The following KMT2D variants were observed in gnomAD, a reference collection of about 807,000 sequenced individuals.
KMT2D encodes histone-lysine N-methyltransferase 2D.
Under a neutral mutation model 512.7 loss-of-function variants are expected in KMT2D, and 55 were observed. The ratio of observed to expected loss-of-function variants is 0.11; its 90% CI spans 0.09 to 0.13. KMT2D has a LOEUF of 0.13. KMT2D is among the 10% of genes least tolerant of loss of function. The probability of loss-of-function intolerance (pLI) is 1.00; values close to 1 mark genes in which losing one functional copy is unlikely to be tolerated. For synonymous variants in KMT2D, 2,995 were observed against 2,904.0 expected (o/e 1.03, Z -1.01); for missense variants, 6,061 against 7,127.9 (o/e 0.85, Z 5.39).
chr12:49,030,271 T>C lies in KMT2D; in HGVS notation c.13999+9A>G. ...ACTCCACCAGGGGTGGCATCTGCTC[T>C]TGACTTACCCCTCAGTGCCCTTTCA... On this transcript the variant is annotated intron_variant, in intron 43 of 54. Transcript: ENST00000301067. The C allele has an allele frequency of 6.3e-7, 1 of 1,594,468 alleles. No homozygotes were observed.
intron 35 of KMT2D, among the ~76,000 whole-genome samples, chr12:49,036,875 A>T (rs1943248938): frequency 6.6e-6 from 1 of 152,148 alleles, no homozygotes; most frequent in African/African-American, 2.4e-5. Context: ...AGGCTCTGCT[A>T]ATTAGGCTTC....
intron 1 of KMT2D, among the ~76,000 whole-genome samples, chr12:49,058,775 G>A (rs960929119): frequency 4.6e-5 from 7 of 152,166 alleles, no homozygotes; most frequent in African/African-American, 1.7e-4. Flanking sequence ...ACTGGCCAGG[G>A]ACTCATGGGC....
chr12:49,030,844 G>C (rs1393267743), intron 41 of KMT2D, 49 bp downstream of exon 41: 2 of 1,611,986 alleles, frequency 1.2e-6, no homozygotes, highest in African/African-American at 2.7e-5. Context: ...GGGACAGGGT[G>C]CCCCCTATCC....
Position 49,038,999 on chromosome 12 carries a change from T to C in KMT2D, c.8367-10A>G, listed in dbSNP as rs925074451. On this transcript the variant is annotated splice_polypyrimidine_tract_variant and intron_variant, in intron 34 of 54. Transcript: ENST00000301067. This position sits in a 1 kb window ranked among gnomAD's most constrained non-coding sequence, Gnocchi z 5.7. ...GCCTCCTACCAGTTGCCTGGAAGAA[T>C]ATACAGTAGTCAGTAGGATGAAATC... 5.2e-6 allele frequency: 8 copies of C among 1,551,754 alleles called. No homozygotes were observed. Among genetic ancestry groups the C allele is most frequent in the Non-Finnish European group, 6.1e-6 (7 of 1,147,038 alleles).
Position 49,034,289 on chromosome 12 carries a change from G to T in KMT2D, c.10518C>A (p.Asp3506Glu), listed in dbSNP as rs1231137777. The T allele has an allele frequency of 6.2e-7, 1 of 1,612,732 alleles. No individual in the cohort carries two copies. Among genetic ancestry groups the T allele is most frequent in the Non-Finnish European group, 8.5e-7 (1 of 1,178,904 alleles). The change falls in exon 39 of 55, where the codon GAC (aspartate) becomes GAA (glutamate). Residue 3506 changes from aspartate to glutamate, a missense_variant. Asp to Glu is a conservative substitution (Grantham distance 45, BLOSUM62 2). This residue lies in a region of KMT2D where 533 missense variants were observed against 539.6 expected (regional missense o/e 0.99). Coordinates refer to ENST00000301067, the MANE Select transcript of KMT2D (RefSeq NM_003482.4). ...TFAQGVINEADQRQYEEWLFH... is the reference protein window; with the variant it reads ...TFAQGVINEAEQRQYEEWLFH... ...ACAGCCACTCCTCATACTGCCGCTG[G>T]TCAGCTTCATCTGGGAAAAGAAGCT...
chr12:49,034,256 G>A lies in KMT2D; in HGVS notation c.10551C>T (p.Thr3517=), dbSNP rs571562720. The change falls in exon 39 of 55, where the codon ACC becomes ACT. Residue 3517 remains threonine (T), a synonymous_variant. Transcript: ENST00000301067. Reference sequence around the variant, plus strand: ...TCAGCTGCATCTGTAGGAGCTGCTGGGTATGGAACAGCCACTCCTCATACT... The same window carrying A: ...TCAGCTGCATCTGTAGGAGCTGCTGAGTATGGAACAGCCACTCCTCATACT... ...QRQYEEWLFH[T]QQLLQMQLKV... The A allele has an allele frequency of 1.1e-5, 17 of 1,613,694 alleles. No individual in the cohort carries two copies. The Admixed American group carries it at 1.3e-4, about 13-fold the overall frequency.
At position 49,043,911 on chromosome 12, in the gene KMT2D, C is replaced by T. The variant is rs1592142110; in HGVS notation, c.5276G>A (p.Arg1759His). The change falls in exon 23 of 55, where the codon CGC becomes CAC. Residue 1759 changes from arginine (R) to histidine (H), a missense_variant. Arg to His is a conservative substitution (Grantham distance 29, BLOSUM62 0). Around this residue, in one of 16 missense-constraint regions of KMT2D, gnomAD observed 640 missense variants for 814.3 expected, o/e 0.79. Transcript: ENST00000301067. ...DEKKKQQRRG[R>H]KKSKLEDMFP... is the part of the protein sequence containing the mutation. ...CATGTCCTCCAGTTTGCTCTTCTTG[C>T]GCCCTCGCCGCTGTTGCTTCTTCTT... 3.1e-6 allele frequency: 5 copies of T among 1,614,074 alleles called. No individual in the cohort carries two copies. The highest frequency in any genetic ancestry group is 4.2e-6 in the Non-Finnish European group (5 of 1,179,914).
rs1455219794 is a variant in KMT2D at position 49,054,205 on chromosome 12, A to G, written c.511-65T>C. On this transcript the variant is annotated intron_variant, in intron 5 of 54. Transcript: ENST00000301067. This position sits in a 1 kb window ranked among gnomAD's most constrained non-coding sequence, Gnocchi z 6.4. ...TCCCCAGACAAACAGTTCAGGCACT[A>G]GCTCTGCCCCAGTATACCCATGGTC... is the stretch of plus-strand genomic sequence containing the variant. 2 of 1,539,044 alleles carry G rather than the reference A, an allele frequency of 1.3e-6. No individual in the cohort carries two copies. Among genetic ancestry groups the G allele is most frequent in the Non-Finnish European group, 1.8e-6 (2 of 1,137,040 alleles).
intron 10 of KMT2D, 55 bp from the exon 11 acceptor site, chr12:49,052,479 G>C (rs1472368017): frequency 5.8e-6 from 9 of 1,549,214 alleles, no homozygotes; most frequent in Non-Finnish European, 7.9e-6. Flanking sequence ...TCCACAGAAA[G>C]TGTGGGGTCT....
At position 49,041,757 on chromosome 12, in the gene KMT2D, G is replaced by A. The variant is rs140427340; in HGVS notation, c.6184-52C>T. ...GGCCTAGTGCTTGGTCTCATGCCCCGCCCCCATACTGTAGTGTTTTCACAC... is the reference window on the plus strand; with the variant it reads ...GGCCTAGTGCTTGGTCTCATGCCCCACCCCCATACTGTAGTGTTTTCACAC... On this transcript the variant is annotated intron_variant, in intron 30 of 54. Transcript: ENST00000301067. The surrounding 1 kb of genome is among the most constrained non-coding windows in gnomAD (Gnocchi z 5.4). 1,351 of 1,566,978 alleles carry A rather than the reference G, an allele frequency of 8.6e-4. 9 individuals are homozygous for A. In the African/African-American group the frequency reaches 0.016, roughly 18 times the overall value.
At position 49,029,448 on chromosome 12, in the gene KMT2D, C is replaced by T. The variant is rs1464807705; in HGVS notation, c.14028G>A (p.Leu4676=). 3.2e-6 allele frequency: 5 copies of T among 1,556,866 alleles called. No homozygotes were observed. Among genetic ancestry groups the T allele is most frequent in the African/African-American group, 1.4e-5 (1 of 73,352 alleles). The change falls in exon 44 of 55, where the codon CTG becomes CTA. Residue 4676 remains leucine, a synonymous_variant. Transcript: ENST00000301067. ...RDTSEVKSLD[L]LAALPTPPHN... ...GAGGGGGTGTAGGCAAGGCAGCCAG[C>T]AGGTCTAGACTCTTCACCTCTGAAG...
chr12:49,024,271 A>C lies in KMT2D; in HGVS notation c.16052+307T>G, dbSNP rs1235426557. Among the ~76,000 whole-genome samples, 1 of 152,172 alleles carries C rather than the reference A, an allele frequency of 6.6e-6. No homozygotes were observed. Among genetic ancestry groups the C allele is most frequent in the Non-Finnish European group, 1.5e-5 (1 of 68,020 alleles). ...AATCACAGGCCCTCCCCCAGAAGTAAAACAGGAGAAGAAAGAGGTGACCAA... is the reference window on the plus strand; with the variant it reads ...AATCACAGGCCCTCCCCCAGAAGTACAACAGGAGAAGAAAGAGGTGACCAA... On this transcript the variant is annotated intron_variant, in intron 51 of 54. Transcript: ENST00000301067. This position sits in a 1 kb window ranked among gnomAD's most constrained non-coding sequence, Gnocchi z 4.5.
chr12:49,055,083 C>T, intron 2 of KMT2D, 57 bp from the exon 3 acceptor site: 7 of 1,605,084 alleles, frequency 4.4e-6, no homozygotes, highest in Non-Finnish European at 5.1e-6. Flanking sequence ...ACACAAAGTC[C>T]ACTCACCAGA....
At position 49,037,856 on chromosome 12, in the gene KMT2D, C is replaced by A. The variant is rs377384903; in HGVS notation, c.9500G>T (p.Arg3167Leu). ...GQSMMGSRDT[R>L]MGTGPFSSSG... ...GCTAGAAAATGGCCCTGTGCCCATC[C>A]GGGTATCCCGGCTGCCCATCATGCT... The change falls in exon 35 of 55, where the codon CGG becomes CTG. Residue 3167 changes from arginine to leucine, a missense_variant. Physicochemically the swap from Arg to Leu is moderately radical, Grantham distance 102. Coordinates refer to ENST00000301067, the MANE Select transcript of KMT2D (RefSeq NM_003482.4). 4.4e-6 allele frequency: 7 copies of A among 1,595,942 alleles called. No homozygotes were observed. In the Admixed American group the frequency reaches 1.0e-4, roughly 24 times the overall value.
rs1938278505 is a variant in KMT2D, at chr12:49,054,446, G to A, written c.401-30C>T. Reference sequence around the variant, plus strand: ...ACAGGTGGGAAGAGGTAAAGAGAAAGGAAAGAATTAACAAAAAGAGGATTG... The same window carrying A: ...ACAGGTGGGAAGAGGTAAAGAGAAAAGAAAGAATTAACAAAAAGAGGATTG... On this transcript the variant is annotated intron_variant, in intron 4 of 54. Coordinates refer to ENST00000301067, the MANE Select transcript of KMT2D (RefSeq NM_003482.4). This position sits in a 1 kb window ranked among gnomAD's most constrained non-coding sequence, Gnocchi z 6.4. 1 of 1,569,404 alleles carries A rather than the reference G, an allele frequency of 6.4e-7. No individual in the cohort carries two copies. The highest frequency in any genetic ancestry group is 8.6e-7 in the Non-Finnish European group (1 of 1,156,626).
Position 49,041,266 on chromosome 12 carries a change from G to A in KMT2D, c.6504C>T (p.Pro2168=), listed in dbSNP as rs577670680. Residue 2168 remains proline (P), a synonymous_variant, in exon 32 of 55, where the codon CCC becomes CCT. Coordinates refer to ENST00000301067, the MANE Select transcript of KMT2D (RefSeq NM_003482.4). The surrounding 1 kb of genome is among the most constrained non-coding windows in gnomAD (Gnocchi z 5.4). The part of the protein sequence containing the change: ...ELFLKLPPQV[P]AQVPSQDPFG... ...AGGGGTCCTGCGAAGGCACTTGGGCGGGCACCTGGGGTGGGAGCTTGAGGA... is the reference window on the plus strand; with the variant it reads ...AGGGGTCCTGCGAAGGCACTTGGGCAGGCACCTGGGGTGGGAGCTTGAGGA... 37 of 1,517,144 alleles carry A rather than the reference G, an allele frequency of 2.4e-5. 1 individual carries two copies. The highest frequency in any genetic ancestry group is 1.6e-4 in the South Asian group (12 of 75,102). The allele number at this position is 1,517,144 out of a possible 1,614,324, so 94.0% of individuals were successfully genotyped here.
rs762229405 is a variant in KMT2D, at chr12:49,051,124, A to G, written c.2559T>C (p.Pro853=). The G allele has an allele frequency of 6.6e-7, 1 of 1,517,628 alleles. No individual in the cohort carries two copies. The allele number at this position is 1,517,628 out of a possible 1,614,324, so 94.0% of individuals were successfully genotyped here. A position where few individuals can be genotyped will look rare whatever the true frequency, so the allele number is the denominator to read the frequency against. ...SPRPEESHLS[P]ELEKPPLSPR... ...GGGACAGGGGTGGCTTCTCAAGCTC[A>G]GGGGACAGATGCGATTCCTCAGGCC... Residue 853 remains proline, a synonymous_variant, in exon 11 of 55, where the codon CCT becomes CCC. Coordinates refer to ENST00000301067, the MANE Select transcript of KMT2D (RefSeq NM_003482.4).
Position 49,026,843 on chromosome 12 carries a change from C to T in KMT2D, c.15123G>A (p.Gly5041=), listed in dbSNP as rs2120363515. Residue 5041 remains glycine, a synonymous_variant, in exon 49 of 55, where the codon GGG becomes GGA. Coordinates refer to ENST00000301067, the MANE Select transcript of KMT2D (RefSeq NM_003482.4). This position sits in a 1 kb window ranked among gnomAD's most constrained non-coding sequence, Gnocchi z 9.6. ...GCAGACGGGCAGGCCCATCAGTGGC[C>T]CCGTCACCCTCCTCATGACAGAAAC... ...RCCFCHEEGD[G]ATDGPARLLN... is the part of the protein sequence containing the mutation. 6.2e-7 allele frequency: 1 copy of T among 1,613,766 alleles called. No homozygotes were observed. The highest frequency in any genetic ancestry group is 8.5e-7 in the Non-Finnish European group (1 of 1,179,740).
rs1013426088 is a variant in KMT2D at position 49,022,902 on chromosome 12, G to C, written c.16053-27C>G. ...TGGGAGGTGATATAATCCATGACAA[G>C]ACAGCTCTCCCTCAGACCAAGTACA... On this transcript the variant is annotated intron_variant, in intron 51 of 54. Coordinates refer to ENST00000301067, the MANE Select transcript of KMT2D (RefSeq NM_003482.4). The surrounding 1 kb of genome is among the most constrained non-coding windows in gnomAD (Gnocchi z 8.6). 6.5e-7 allele frequency: 1 copy of C among 1,549,722 alleles called. No homozygotes were observed. The highest frequency in any genetic ancestry group is 1.9e-5 in the Admixed American group (1 of 53,356).
Sources: allele counts gnomAD v4.1 joint callset (sites outside exome capture counted in the v4.1 genomes callset), GRCh38; gene constraint gnomAD v4.1.1; regional missense constraint gnomAD v4.1.1; non-coding constraint Gnocchi (gnomAD v3.1); transcripts MANE v1.5; gene names NCBI Gene and HGNC (gene_info 2026-07-23, HGNC 2026-07-21).